Variants in SH2B2 observed in about 807,000 individuals in gnomAD.
SH2B2 encodes SH2B adapter protein 2.
A neutral mutation model predicts 35.7 loss-of-function variants in SH2B2; 37 were observed. The ratio of observed to expected loss-of-function variants is 1.04; its 90% CI spans 0.80 to 1.36. The LOEUF (loss-of-function observed/expected upper bound fraction) is 1.36. Among genes scored for constraint, SH2B2 ranks in the 40% most tolerant of loss-of-function variants. SH2B2 has a pLI of 0.00. For missense variants in SH2B2, 852 were observed against 817.7 expected, an observed-to-expected ratio of 1.04 and a Z score of -0.51; for synonymous variants, 383 against 376.4, an observed-to-expected ratio of 1.02 and a Z score of -0.20.
intron 3 of SH2B2, among the ~76,000 whole-genome samples, chr7:102,307,891 C>T (rs1390950959): frequency 6.6e-6 from 1 of 151,986 alleles, no homozygotes; most frequent in Non-Finnish European, 1.5e-5. Context: ...CCATCTCAGC[C>T]TCTTGAGTAG....
intron 1 of SH2B2, among the ~76,000 whole-genome samples, chr7:102,288,226 C>T (rs1199296007): frequency 2.6e-5 from 4 of 152,074 alleles, no homozygotes; most frequent in Admixed American, 1.3e-4. Context: ...CTCCCAACCT[C>T]TTCCCTCCTG....
chr7:102,300,816 G>C lies in SH2B2; in HGVS notation c.266G>C (p.Gly89Ala). Residue 89 changes from glycine to alanine, a missense_variant, in exon 2 of 9, where the codon GGC (glycine) becomes GCC (alanine). Physicochemically the swap from Gly to Ala is moderately conservative, Grantham distance 60. Coordinates refer to ENST00000444095, the MANE Select transcript of SH2B2 (RefSeq NM_001359228.2). Reference protein sequence around the residue: ...RVLVAGPTTRGAAVSAEAMEP... With the variant: ...RVLVAGPTTRAAAVSAEAMEP... ...CTGGTGGCTGGGCCGACGACTCGGGGCGCGGCCGTGAGCGCAGAGGCCATG... is the reference window on the plus strand; with the variant it reads ...CTGGTGGCTGGGCCGACGACTCGGGCCGCGGCCGTGAGCGCAGAGGCCATG... The C allele has an allele frequency of 6.7e-7, 1 of 1,481,804 alleles. No homozygotes were observed. Among genetic ancestry groups the C allele is most frequent in the African/African-American group, 1.4e-5 (1 of 70,142 alleles). 91.8% of individuals were successfully genotyped at this position (1,481,804 alleles called of 1,614,324 possible). A position where few individuals can be genotyped will look rare whatever the true frequency, so the allele number is the denominator to read the frequency against.
At chr7:102,287,355 C>T (rs1033883732) in intron 1 of SH2B2, among the ~76,000 whole-genome samples, 1 of 152,100 alleles carries the variant, frequency 6.6e-6, no homozygotes. Flanking sequence ...CGAGCCGCCT[C>T]TGGAGCAGCT....
At position 102,304,843 on chromosome 7, in the gene SH2B2, C is replaced by T. The variant is rs888999903; in HGVS notation, c.730-1878C>T. Among the ~76,000 whole-genome samples the T allele has an allele frequency of 1.3e-4, 20 of 152,268 alleles. 1 individual carries two copies. Among genetic ancestry groups the T allele is most frequent in the Non-Finnish European group, 2.5e-4 (17 of 68,046 alleles). ...CGTTCATGCTTCAAGCCTAGCCCTG[C>T]ACGCGCTGGACAGGGGCCAGTTCTT... On this transcript the variant is annotated intron_variant, in intron 2 of 8. Coordinates refer to ENST00000444095, the MANE Select transcript of SH2B2 (RefSeq NM_001359228.2).
At chr7:102,318,331 G>A (rs1340916819) in intron 7 of SH2B2, among the ~76,000 whole-genome samples, 1 of 152,074 alleles carries the variant, frequency 6.6e-6, no homozygotes, top group Admixed American at 6.5e-5. Context: ...TAGAGACAGG[G>A]TTTCACCATG....
In SH2B2 at chr7:102,301,048, G is replaced by A. The variant is rs2132953910; in HGVS notation, c.498G>A (p.Pro166=). Residue 166 remains proline (P), a synonymous_variant, in exon 2 of 9, where the codon CCG becomes CCA. Transcript: ENST00000444095. The part of the protein sequence containing the change: ...ASPEPDAAAA[P]RTAEPRDKWT... ...CCGAGCCCGACGCGGCAGCTGCCCC[G>A]CGCACCGCCGAGCCCCGCGACAAGT... The A allele has an allele frequency of 1.5e-6, 2 of 1,372,026 alleles. No homozygotes were observed. The highest frequency in any genetic ancestry group is 1.9e-6 in the Non-Finnish European group (2 of 1,067,164). The allele number at this position is 1,372,026 out of a possible 1,614,324, so 85.0% of individuals were successfully genotyped here. A position where few individuals can be genotyped will look rare whatever the true frequency, so the allele number is the denominator to read the frequency against.
At chr7:102,292,337 C>G (rs532079531) in intron 1 of SH2B2, among the ~76,000 whole-genome samples, 1 of 152,140 alleles carries the variant, frequency 6.6e-6, no homozygotes, top group African/African-American at 2.4e-5. Flanking sequence ...TCGAGACCAG[C>G]CTGGCCAAGA....
At chr7:102,308,946 G>C (rs1793509152) in intron 4 of SH2B2, 40 bp downstream of exon 4, 1 of 1,515,056 alleles carries the variant, frequency 6.6e-7, no homozygotes, top group African/African-American at 1.4e-5. Flanking sequence ...GGACAGGCTG[G>C]GTATATCCTT....
intron 4 of SH2B2, chr7:102,309,239 G>A (rs575220787): frequency 5.5e-5 from 27 of 493,474 alleles, no homozygotes; most frequent in South Asian, 4.2e-4. Flanking sequence ...GGGGCCTGGT[G>A]CAGTGGCTCA....
intron 2 of SH2B2, among the ~76,000 whole-genome samples, chr7:102,305,100 G>C (rs1047731238): frequency 6.6e-6 from 1 of 152,140 alleles, no homozygotes; most frequent in Non-Finnish European, 1.5e-5. Context: ...CAGCGTTGTT[G>C]GGAACACTGG....
chr7:102,310,001 ACT>A (rs1267442095), intron 4 of SH2B2, among the ~76,000 whole-genome samples: 1 of 151,856 alleles, frequency 6.6e-6, no homozygotes, highest in Non-Finnish European at 1.5e-5. Flanking sequence ...CAAGATCCTA[ACT>A]CTTAAAAAAT....
chr7:102,304,188 C>T (rs538279322), intron 2 of SH2B2, among the ~76,000 whole-genome samples: 3 of 152,330 alleles, frequency 2.0e-5, no homozygotes, highest in African/African-American at 7.2e-5. Context: ...GGCCTAGATG[C>T]ACCCTTGGAG....
At chr7:102,291,679 T>C (rs527962925) in intron 1 of SH2B2, among the ~76,000 whole-genome samples, 2 of 152,290 alleles carry the variant, frequency 1.3e-5, no homozygotes, top group South Asian at 4.1e-4. Flanking sequence ...TCCAGCCACA[T>C]CTGGCAGGAG....
At chr7:102,311,451 C>A (rs1793615511) in intron 4 of SH2B2, among the ~76,000 whole-genome samples, 1 of 151,866 alleles carries the variant, frequency 6.6e-6, no homozygotes, top group South Asian at 2.1e-4. Context: ...GACGGGGTTT[C>A]CCCATGGTGG....
At chr7:102,285,359 C>T, upstream of SH2B2, 1 of 821,896 alleles carries the variant, frequency 1.2e-6, no homozygotes. Context: ...CGGGCACCCC[C>T]TCCTCCCCCT....
intron 1 of SH2B2, among the ~76,000 whole-genome samples, chr7:102,288,617 G>C (rs898443758): frequency 2.0e-5 from 3 of 152,134 alleles, no homozygotes; most frequent in Non-Finnish European, 2.9e-5. Flanking sequence ...ATACCCAGGG[G>C]TGGGCTTCCC....
At chr7:102,285,201 G>A (rs1563541059), upstream of SH2B2, 2 of 1,551,230 alleles carry the variant, frequency 1.3e-6, no homozygotes, top group Non-Finnish European at 1.7e-6. Context: ...CCCATCTCAG[G>A]ACCCTCTCTG....
chr7:102,316,692 C>A (rs1212128869), intron 6 of SH2B2, among the ~76,000 whole-genome samples: 1 of 151,894 alleles, frequency 6.6e-6, no homozygotes, highest in Non-Finnish European at 1.5e-5. Flanking sequence ...TTGAGACCAG[C>A]CTGGGGAACA....
At chr7:102,295,960 C>T (rs1488274189) in intron 1 of SH2B2, among the ~76,000 whole-genome samples, 3 of 152,096 alleles carry the variant, frequency 2.0e-5, no homozygotes, top group African/African-American at 7.2e-5. Flanking sequence ...CCCCAGCACC[C>T]TCTTTATTTT....
Sources: gnomAD v4.1 joint callset for allele counts (sites outside exome capture counted in the v4.1 genomes callset) on GRCh38, gnomAD v4.1.1 for gene constraint, MANE v1.5 for transcripts, NCBI Gene and HGNC (gene_info 2026-07-23, HGNC 2026-07-21) for gene names.